The following RANBP17 variants were observed in gnomAD, a reference collection of about 807,000 sequenced individuals.
The protein encoded by RANBP17 is ran-binding protein 17.
RANBP17 carries 158 observed loss-of-function variants against 141.2 expected under a neutral mutation model. The ratio of observed to expected loss-of-function variants is 1.12; its 90% confidence interval spans 0.98 to 1.28. RANBP17 has a LOEUF of 1.28. Ranked by LOEUF, RANBP17 falls within the 50% of genes most tolerant of loss-of-function variation. RANBP17 has a pLI of 0.00. For synonymous variants in RANBP17, 430 were observed against 450.0 expected (o/e 0.96, Z 0.56); for missense variants, 1,438 against 1,290.7 (o/e 1.11, Z -1.75).
At chr5:170,919,169 G>A (rs780702082) in intron 10 of RANBP17, among the ~76,000 whole-genome samples, 49 of 151,852 alleles carry the variant, frequency 3.2e-4, no homozygotes, top group Non-Finnish European at 5.4e-4. Context: ...ATAAAACCAT[G>A]TTTTTCACAG....
At chr5:171,212,276 CCTAACATACTGTGTT>C (rs1292038966) in intron 20 of RANBP17, among the ~76,000 whole-genome samples, 30 of 152,102 alleles carry the variant, frequency 2.0e-4, no homozygotes, top group African/African-American at 7.0e-4. Context: ...AGCAACCAAC[CCTAACATACTGTGTT>C]GTAAGAGAGA....
chr5:170,965,748 G>C (rs1269349606), intron 13 of RANBP17, among the ~76,000 whole-genome samples: 2 of 152,096 alleles, frequency 1.3e-5, no homozygotes, highest in Middle Eastern at 3.4e-3. Flanking sequence ...GTTCTGTTCC[G>C]TTGGTCTGTA....
chr5:171,265,992 C>A lies in RANBP17; in HGVS notation c.2943+145C>A, dbSNP rs1045666912. The stretch of plus-strand genomic sequence containing the variant: ...TATATATATTGTCTGGGAGTATTTT[C>A]CCTGAACGTGGAGGGAAAACACAGG... On this transcript the variant is annotated intron_variant, in intron 25 of 27. Coordinates refer to ENST00000523189, the MANE Select transcript of RANBP17 (RefSeq NM_022897.5). 6 of 652,604 alleles carry A rather than the reference C, an allele frequency of 9.2e-6. No individual in the cohort carries two copies. The Admixed American group carries it at 1.7e-4, about 18-fold the overall frequency. The allele number at this position is 652,604 out of a possible 1,614,324, so 40.4% of individuals were successfully genotyped here.
At chr5:171,288,134 C>T (rs927532233) in intron 25 of RANBP17, among the ~76,000 whole-genome samples, 1 of 152,176 alleles carries the variant, frequency 6.6e-6, no homozygotes. Flanking sequence ...TTTCCAGAGA[C>T]AGCCTGTTAA....
intron 14 of RANBP17, among the ~76,000 whole-genome samples, chr5:171,059,090 A>C (rs1195134686): frequency 2.0e-5 from 3 of 151,776 alleles, no homozygotes; most frequent in African/African-American, 7.3e-5. Context: ...TAGGTTGCGA[A>C]AATTTTCTCC....
intron 14 of RANBP17, among the ~76,000 whole-genome samples, chr5:171,052,708 C>G (rs1179450038): frequency 2.0e-5 from 3 of 152,226 alleles, no homozygotes; most frequent in South Asian, 2.1e-4. Flanking sequence ...AGGACTCTTT[C>G]CAATTGCAAA....
intron 25 of RANBP17, among the ~76,000 whole-genome samples, chr5:171,272,440 A>G (rs1013874776): frequency 1.3e-5 from 2 of 152,300 alleles, no homozygotes; most frequent in East Asian, 3.9e-4. Flanking sequence ...CATATGCATT[A>G]TCTGGTTTAA....
At position 171,251,858 on chromosome 5, in the gene RANBP17, T is replaced by C. The variant is rs1048131143; in HGVS notation, c.2776+9038T>C. The C allele has an allele frequency of 5.1e-6, 7 of 1,382,544 alleles. No individual in the cohort carries two copies. The African/African-American group carries it at 9.9e-5, about 20-fold the overall frequency. 85.6% of individuals were successfully genotyped at this position (1,382,544 alleles called of 1,614,324 possible). Reference sequence around the variant, plus strand: ...TCCAAATTCGCTTCCATCTGTACCATGAGTGCCAATGCTTCGGCATTAGAG... The same window carrying C: ...TCCAAATTCGCTTCCATCTGTACCACGAGTGCCAATGCTTCGGCATTAGAG... On this transcript the variant is annotated intron_variant, in intron 24 of 27. Coordinates refer to ENST00000523189, the MANE Select transcript of RANBP17 (RefSeq NM_022897.5).
At chr5:171,164,662 C>CA (rs1759555583) in intron 14 of RANBP17, among the ~76,000 whole-genome samples, 1 of 152,290 alleles carries the variant, frequency 6.6e-6, no homozygotes, top group South Asian at 2.1e-4. Flanking sequence ...CATGCCTTCT[C>CA]AAATCTGTAA....
At chr5:171,213,799 C>T (rs1158578356) in intron 21 of RANBP17, 61 bp downstream of exon 21, 11 of 1,252,538 alleles carry the variant, frequency 8.8e-6, no homozygotes, top group African/African-American at 1.5e-5. Context: ...CTCCAACAGT[C>T]AGACTTTCTT....
intron 21 of RANBP17, among the ~76,000 whole-genome samples, chr5:171,219,216 G>GC (rs1339757716): frequency 6.6e-6 from 1 of 152,064 alleles, no homozygotes; most frequent in Non-Finnish European, 1.5e-5. Context: ...TTGAATATTG[G>GC]CCCCCACTCT....
chr5:171,006,299 A>G (rs931249198), intron 14 of RANBP17, among the ~76,000 whole-genome samples: 1 of 152,232 alleles, frequency 6.6e-6, no homozygotes, highest in African/African-American at 2.4e-5. Flanking sequence ...ATGCACACGT[A>G]TGTTCATTGT....
At chr5:171,229,742 T>C (rs1255243507) in intron 22 of RANBP17, among the ~76,000 whole-genome samples, 4 of 105,778 alleles carry the variant, frequency 3.8e-5, no homozygotes, top group Non-Finnish European at 7.6e-5. Context: ...GATAGGAAGA[T>C]AAATAAGATG....
At position 170,862,617 on chromosome 5, in the gene RANBP17, A is replaced by G. The variant is rs376318842; in HGVS notation, c.18+566A>G. ...GGGGCTGCGTCTGGGGGGAGTTGCG[A>G]GGGAGGGCTACGCGGCCGCCTCTTC... is the stretch of plus-strand genomic sequence containing the variant. On this transcript the variant is annotated intron_variant, in intron 1 of 27. Transcript: ENST00000523189. Among the ~76,000 whole-genome samples, 11 of 151,876 alleles carry G rather than the reference A, an allele frequency of 7.2e-5. No individual in the cohort carries two copies. The East Asian group carries it at 2.2e-3, about 30-fold the overall frequency.
At chr5:171,032,784 C>T (rs866626384) in intron 14 of RANBP17, among the ~76,000 whole-genome samples, 1 of 152,030 alleles carries the variant, frequency 6.6e-6, no homozygotes, top group Non-Finnish European at 1.5e-5. Flanking sequence ...TCTCAAATTG[C>T]TTGCTTGCTA....
intron 14 of RANBP17, among the ~76,000 whole-genome samples, chr5:171,075,218 T>C (rs1480711122): frequency 6.6e-6 from 1 of 152,208 alleles, no homozygotes; most frequent in Non-Finnish European, 1.5e-5. Flanking sequence ...CTTTCTAATA[T>C]GATAATTTGC....
intron 14 of RANBP17, among the ~76,000 whole-genome samples, chr5:171,092,392 G>C (rs954781783): frequency 6.6e-6 from 1 of 152,162 alleles, no homozygotes; most frequent in African/African-American, 2.4e-5. Flanking sequence ...AATGTTCCCA[G>C]TTTGTGAGTG....
At chr5:170,925,063 A>T (rs975605837) in intron 12 of RANBP17, 3 of 152,094 alleles carry the variant, frequency 2.0e-5, no homozygotes, top group Admixed American at 2.0e-4. Context: ...CCTTTCAGGA[A>T]CATAGGGAGT....
intron 14 of RANBP17, among the ~76,000 whole-genome samples, chr5:171,061,871 G>C (rs533610223): frequency 6.6e-6 from 1 of 152,072 alleles, no homozygotes; most frequent in African/African-American, 2.4e-5. Context: ...TATATATTTA[G>C]GATAGCTCTT....
Sources: allele counts gnomAD v4.1 joint callset (sites outside exome capture counted in the v4.1 genomes callset), GRCh38; gene constraint gnomAD v4.1.1; transcripts MANE v1.5; gene names NCBI Gene and HGNC (gene_info 2026-07-23, HGNC 2026-07-21).